The following DISC1 variants were observed in gnomAD, a reference collection of about 807,000 sequenced individuals.
The protein encoded by DISC1 is DISC1 scaffold protein, also known as disrupted in schizophrenia 1 protein.
Under a neutral mutation model 84.5 loss-of-function variants are expected in DISC1, and 57 were observed. The observed-to-expected ratio is 0.67, with a 90% confidence interval of 0.55 to 0.84. DISC1 has a LOEUF of 0.84. Among genes scored for constraint, DISC1 ranks in the 40% least tolerant of loss-of-function variants. DISC1 has a pLI of 0.00. For synonymous variants in DISC1, 411 were observed against 415.2 expected, an observed-to-expected ratio of 0.99 and a Z score of 0.12; for missense variants, 1,000 against 1,057.8, an observed-to-expected ratio of 0.95 and a Z score of 0.76.
chr1:231,862,412 G>T (rs999277785), intron 9 of DISC1, among the ~76,000 whole-genome samples: 1 of 152,190 alleles, frequency 6.6e-6, no homozygotes, highest in African/African-American at 2.4e-5. Flanking sequence ...TGACTACTTC[G>T]ATGGTTTTAG....
intron 9 of DISC1, among the ~76,000 whole-genome samples, chr1:231,895,524 C>T (rs1163442981): frequency 3.3e-5 from 5 of 151,838 alleles, no homozygotes; most frequent in Non-Finnish European, 1.5e-5. Context: ...CATACTTTTA[C>T]TTCCACATAT....
intron 3 of DISC1, among the ~76,000 whole-genome samples, chr1:231,745,723 A>C (rs1199903363): frequency 6.6e-6 from 1 of 152,066 alleles, no homozygotes; most frequent in Non-Finnish European, 1.5e-5. Flanking sequence ...TCAGCCTCTA[A>C]TATCCTCTAT....
chr1:231,640,864 C>T (rs2059587502), intron 1 of DISC1, among the ~76,000 whole-genome samples: 1 of 152,106 alleles, frequency 6.6e-6, no homozygotes, highest in Admixed American at 6.5e-5. Context: ...CTTGGTCTGA[C>T]CCCTGGATTC....
intron 9 of DISC1, among the ~76,000 whole-genome samples, chr1:231,957,442 T>A (rs932723320): frequency 6.6e-6 from 1 of 152,194 alleles, no homozygotes; most frequent in African/African-American, 2.4e-5. Flanking sequence ...ATGTTTATTC[T>A]TTAGCATCCC....
intron 9 of DISC1, among the ~76,000 whole-genome samples, chr1:231,858,188 TTCTTG>T (rs1410532095): frequency 2.6e-5 from 4 of 151,764 alleles, no homozygotes; most frequent in Non-Finnish European, 5.9e-5. Flanking sequence ...CTCACTGAAT[TTCTTG>T]TCTTGTCTTC....
intron 4 of DISC1, among the ~76,000 whole-genome samples, chr1:231,763,663 G>GT (rs896492826): frequency 6.6e-6 from 1 of 152,152 alleles, no homozygotes; most frequent in African/African-American, 2.4e-5. Context: ...CACTTATTTC[G>GT]TAAGTGTCAA....
chr1:231,892,692 T>C lies in DISC1; in HGVS notation c.1982-66136T>C, dbSNP rs1352757180. On this transcript the variant is annotated intron_variant, in intron 9 of 12. Coordinates refer to ENST00000439617, the MANE Select transcript of DISC1 (RefSeq NM_018662.3). ...ATTATAAAAAAAAAAATGGTAAGTC[T>C]GCTGATATGGAGTACACTTTCTAGG... is the stretch of plus-strand genomic sequence containing the variant. Among the ~76,000 whole-genome samples the C allele has an allele frequency of 2.0e-5, 3 of 151,598 alleles. No homozygotes were observed. In the South Asian group the frequency reaches 6.2e-4, roughly 31 times the overall value.
At chr1:231,968,098 G>A (rs772465203) in intron 10 of DISC1, among the ~76,000 whole-genome samples, 4 of 152,034 alleles carry the variant, frequency 2.6e-5, no homozygotes, top group Admixed American at 1.3e-4. Flanking sequence ...TGGCCTATTG[G>A]TCATTATAAT....
At chr1:231,688,943 GA>G (rs1252573652) in intron 1 of DISC1, among the ~76,000 whole-genome samples, 1 of 152,334 alleles carries the variant, frequency 6.6e-6, no homozygotes, top group South Asian at 2.1e-4. Flanking sequence ...AGTGCTCTCT[GA>G]ATTATTGAAG....
At position 231,685,271 on chromosome 1, in the gene DISC1, A is replaced by G. The variant is rs2125585304; in HGVS notation, c.68-8555A>G. On this transcript the variant is annotated intron_variant, in intron 1 of 12. Coordinates refer to ENST00000439617, the MANE Select transcript of DISC1 (RefSeq NM_018662.3). ...AAATATTTCATATGTATATTTGTGT[A>G]CAGACATATACACATTTGGATTTAT... 2.6e-5 allele frequency: 4 copies of G among 152,284 alleles called. No individual in the cohort carries two copies. In the Middle Eastern group the frequency reaches 0.014, roughly 518 times the overall value. The allele number at this position is 152,284 out of a possible 1,614,324, so 9.4% of individuals were successfully genotyped here. A position where few individuals can be genotyped will look rare whatever the true frequency, so the allele number is the denominator to read the frequency against.
At chr1:231,997,116 A>G (rs1666054564) in intron 10 of DISC1, among the ~76,000 whole-genome samples, 1 of 152,206 alleles carries the variant, frequency 6.6e-6, no homozygotes, top group Admixed American at 6.5e-5. Flanking sequence ...TATTTTCCTC[A>G]GCACTCAGCA....
At position 232,009,106 on chromosome 1, in the gene DISC1, G is replaced by A; in HGVS notation, c.2307+57G>A. ...ACCCTTATTCTAAGGGGTGCTTTGG[G>A]ACCATGCTCCAAATGGGAACAATAA... On this transcript the variant is annotated intron_variant, in intron 11 of 12. Transcript: ENST00000439617. The surrounding 1 kb of genome is among the most constrained non-coding windows in gnomAD (Gnocchi z 4.6). 2.5e-6 allele frequency: 4 copies of A among 1,610,588 alleles called. No individual in the cohort carries two copies. The highest frequency in any genetic ancestry group is 3.4e-6 in the Non-Finnish European group (4 of 1,178,410).
chr1:231,781,160 T>TAAAAAA (rs56779223), intron 6 of DISC1, among the ~76,000 whole-genome samples: 1 of 117,902 alleles, frequency 8.5e-6, no homozygotes, highest in African/African-American at 3.2e-5. Flanking sequence ...AAAGTATAAT[T>TAAAAAA]AAAAAAAAAA....
chr1:231,920,431 C>G (rs944656808), intron 9 of DISC1, among the ~76,000 whole-genome samples: 4 of 152,212 alleles, frequency 2.6e-5, no homozygotes, highest in Non-Finnish European at 5.9e-5. Context: ...ATCCTCCCCT[C>G]TCCCAGCCCC....
At chr1:231,834,759 G>T (rs962319054) in intron 9 of DISC1, among the ~76,000 whole-genome samples, 1 of 151,966 alleles carries the variant, frequency 6.6e-6, no homozygotes, top group Non-Finnish European at 1.5e-5. Flanking sequence ...GAGAAGGGAT[G>T]GGGGGTTCTT....
rs549577507 is a variant in DISC1, at chr1:231,715,183, G to T, written c.1117+13159G>T. ...AGCCTGGCTACCTGTCTGTCTCTGT[G>T]ATGAGGTGGGTACATCTGTTAGGAG... On this transcript the variant is annotated intron_variant, in intron 3 of 12. Coordinates refer to ENST00000439617, the MANE Select transcript of DISC1 (RefSeq NM_018662.3). Among the ~76,000 whole-genome samples, 3 of 152,274 alleles carry T rather than the reference G, an allele frequency of 2.0e-5. No homozygotes were observed. The East Asian group carries it at 5.8e-4, about 29-fold the overall frequency.
rs2078560938 is a variant in DISC1, at chr1:231,794,076, G to A, written c.1635-1166G>A. Among the ~76,000 whole-genome samples, 2 of 152,214 alleles carry A rather than the reference G, an allele frequency of 1.3e-5. 1 individual carries two copies. Among genetic ancestry groups the A allele is most frequent in the South Asian group, 4.2e-4 (2 of 4,816 alleles). ...TGGAATTACAGGCGTGAGCCACCACGCCCGGCCCCTAACTAACTAAATAAG... is the reference window on the plus strand; with the variant it reads ...TGGAATTACAGGCGTGAGCCACCACACCCGGCCCCTAACTAACTAAATAAG... On this transcript the variant is annotated intron_variant, in intron 6 of 12. Coordinates refer to ENST00000439617, the MANE Select transcript of DISC1 (RefSeq NM_018662.3).
intron 1 of DISC1, among the ~76,000 whole-genome samples, chr1:231,674,504 G>A (rs896600450): frequency 1.3e-5 from 2 of 152,198 alleles, no homozygotes; most frequent in Admixed American, 6.5e-5. Flanking sequence ...CTAATGTCCT[G>A]TCTAATTTGA....
chr1:231,900,723 C>T (rs2088106882), intron 9 of DISC1, among the ~76,000 whole-genome samples: 2 of 152,130 alleles, frequency 1.3e-5, no homozygotes, highest in South Asian at 2.1e-4. Flanking sequence ...TTTTAAAGAG[C>T]TCCTCAATGC....
Sources: gnomAD v4.1 joint callset for allele counts (sites outside exome capture counted in the v4.1 genomes callset) on GRCh38, gnomAD v4.1.1 for gene constraint, Gnocchi (gnomAD v3.1) non-coding constraint, MANE v1.5 for transcripts, NCBI Gene and HGNC (gene_info 2026-07-23, HGNC 2026-07-21) for gene names.